The following LY96 variants were observed in gnomAD, a reference collection of about 807,000 sequenced individuals.
LY96 encodes the protein lymphocyte antigen 96.
LY96 carries 18 observed loss-of-function variants against 18.9 expected under a neutral mutation model. The ratio of observed to expected loss-of-function variants is 0.95; its 90% CI spans 0.66 to 1.41. The LOEUF (loss-of-function observed/expected upper bound fraction) is 1.41, where lower values mean the gene tolerates loss of function less well. Among genes scored for constraint, LY96 ranks in the 40% most tolerant of loss-of-function variants. LY96 has a pLI of 0.00. For synonymous variants in LY96, 66 were observed against 62.6 expected (o/e 1.06, Z -0.26); for missense variants, 175 against 182.4 (o/e 0.96, Z 0.23).
At chr8:74,085,698 GTTC>G in the LY96 span, among the ~76,000 whole-genome samples, 7 of 152,182 alleles carry the variant, frequency 4.6e-5, no homozygotes, top group South Asian at 8.3e-4. Flanking sequence ...TGCATCTACT[GTTC>G]TTCTCCTGGA....
chr8:74,007,770 C>T (rs113548678), intron 2 of LY96, among the ~76,000 whole-genome samples: 10,217 of 151,890 alleles, frequency 0.067, 1,141 homozygotes, highest in African/African-American at 0.23. Context: ...TGTTTCTTTT[C>T]TTTTTTTGAG....
the LY96 span, among the ~76,000 whole-genome samples, chr8:74,093,562 A>C: frequency 6.6e-6 from 1 of 152,180 alleles, no homozygotes; most frequent in Non-Finnish European, 1.5e-5. Context: ...AGAGTTCTTC[A>C]GTTTCCAGGA....
intron 1 of LY96, among the ~76,000 whole-genome samples, chr8:74,004,572 A>T (rs1816369699): frequency 6.6e-6 from 1 of 152,116 alleles, no homozygotes; most frequent in African/African-American, 2.4e-5. Context: ...TAAAGGGAAT[A>T]TTTCTGTAAA....
At chr8:74,024,386 T>C in intron 3 of LY96, among the ~76,000 whole-genome samples, 1 of 151,126 alleles carries the variant, frequency 6.6e-6, no homozygotes, top group East Asian at 1.9e-4. Flanking sequence ...ATTAATGCAT[T>C]AATATTCACA....
At chr8:74,072,009 C>T in the LY96 span, among the ~76,000 whole-genome samples, 2 of 152,146 alleles carry the variant, frequency 1.3e-5, no homozygotes, top group East Asian at 1.9e-4. Flanking sequence ...AAGTACAATG[C>T]CAAGCACAAA....
At chr8:74,004,573 T>G (rs1816369783) in intron 1 of LY96, among the ~76,000 whole-genome samples, 1 of 152,340 alleles carries the variant, frequency 6.6e-6, no homozygotes, top group Non-Finnish European at 1.5e-5. Flanking sequence ...AAAGGGAATA[T>G]TTCTGTAAAT....
the LY96 span, among the ~76,000 whole-genome samples, chr8:74,089,142 T>C: frequency 6.6e-6 from 1 of 152,116 alleles, no homozygotes; most frequent in Admixed American, 6.5e-5. Flanking sequence ...GGGCGAAGCT[T>C]CCTTCCTGGA....
the LY96 span, among the ~76,000 whole-genome samples, chr8:74,071,136 C>T: frequency 2.0e-5 from 3 of 152,146 alleles, no homozygotes; most frequent in Non-Finnish European, 4.4e-5. Context: ...AGCTGGACTC[C>T]AGAACGTGGG....
At chr8:74,006,002 C>T (rs1486084620) in intron 2 of LY96, among the ~76,000 whole-genome samples, 1 of 152,138 alleles carries the variant, frequency 6.6e-6, no homozygotes, top group Non-Finnish European at 1.5e-5. Flanking sequence ...AAAACAACAA[C>T]AACAAAATCC....
chr8:74,080,951 G>A, the LY96 span, among the ~76,000 whole-genome samples: 1 of 149,964 alleles, frequency 6.7e-6, no homozygotes, highest in African/African-American at 2.5e-5. Flanking sequence ...CTTGTCTTTT[G>A]GACTGTCTTG....
chr8:74,085,313 T>C, the LY96 span, among the ~76,000 whole-genome samples: 1 of 152,248 alleles, frequency 6.6e-6, no homozygotes, highest in Non-Finnish European at 1.5e-5. Context: ...CCAGACATCT[T>C]ATTCTGGAAT....
At chr8:74,077,829 C>T in the LY96 span, among the ~76,000 whole-genome samples, 1 of 151,722 alleles carries the variant, frequency 6.6e-6, no homozygotes, top group South Asian at 2.1e-4. Flanking sequence ...TAACATGGGC[C>T]AGGTGTGGTG....
At chr8:74,046,300 T>C in the LY96 span, among the ~76,000 whole-genome samples, 1 of 152,150 alleles carries the variant, frequency 6.6e-6, no homozygotes, top group South Asian at 2.1e-4. Context: ...ACACCCAGAA[T>C]AACTAAGTGA....
At chr8:74,031,880 T>C (rs149246644), downstream of LY96, among the ~76,000 whole-genome samples, 3 of 151,736 alleles carry the variant, frequency 2.0e-5, no homozygotes, top group African/African-American at 2.4e-5. Flanking sequence ...TCGCACCACT[T>C]TGGGAGGCCG....
chr8:74,030,315 C>A (rs1173847850), downstream of LY96, among the ~76,000 whole-genome samples: 2 of 152,104 alleles, frequency 1.3e-5, no homozygotes, highest in African/African-American at 2.4e-5. Context: ...GAGTTTGAGA[C>A]CAGCCTGGCC....
At chr8:74,084,168 A>G in the LY96 span, among the ~76,000 whole-genome samples, 1 of 152,134 alleles carries the variant, frequency 6.6e-6, no homozygotes, top group Non-Finnish European at 1.5e-5. Flanking sequence ...TATCAAAATG[A>G]TAGTTAGATG....
chr8:73,994,980 G>A (rs143008300), intron 1 of LY96, among the ~76,000 whole-genome samples: 3 of 152,334 alleles, frequency 2.0e-5, no homozygotes, highest in African/African-American at 4.8e-5. Flanking sequence ...GCAAACTCAT[G>A]TTGAAATTTA....
At chr8:74,098,130 G>A in the LY96 span, among the ~76,000 whole-genome samples, 25 of 152,286 alleles carry the variant, frequency 1.6e-4, no homozygotes, top group African/African-American at 6.0e-4. Context: ...ACTTGTCTGT[G>A]ATGTGAGAGT....
At chr8:74,082,411 G>A in the LY96 span, among the ~76,000 whole-genome samples, 1 of 152,178 alleles carries the variant, frequency 6.6e-6, no homozygotes, top group Non-Finnish European at 1.5e-5. Context: ...GCTTTCAAAT[G>A]CTTCCAACTC....
Sources: allele counts gnomAD v4.1 joint callset (sites outside exome capture counted in the v4.1 genomes callset), GRCh38; gene constraint gnomAD v4.1.1; transcripts MANE v1.5; gene names NCBI Gene and HGNC (gene_info 2026-07-23, HGNC 2026-07-21).